Variants in ELMO1 observed in about 807,000 individuals in gnomAD.
ELMO1 encodes the protein engulfment and cell motility 1.
A neutral mutation model predicts 98.9 loss-of-function variants in ELMO1; 26 were observed. The ratio of observed to expected loss-of-function variants is 0.26; its 90% CI spans 0.19 to 0.36. The LOEUF is 0.36. Ranked by LOEUF, ELMO1 falls within the 10% of genes least tolerant of loss-of-function variation. The probability of loss-of-function intolerance (pLI) is 1.00; values close to 1 mark genes in which losing one functional copy is unlikely to be tolerated. For missense variants in ELMO1, 627 were observed against 935.2 expected, an observed-to-expected ratio of 0.67 and a Z score of 4.30; for synonymous variants, 346 against 346.0, an observed-to-expected ratio of 1.00 and a Z score of 0.00.
At chr7:37,118,386 C>T (rs569872000) in intron 14 of ELMO1, among the ~76,000 whole-genome samples, 1 of 152,270 alleles carries the variant, frequency 6.6e-6, no homozygotes, top group East Asian at 1.9e-4. Flanking sequence ...CTTTAAAACT[C>T]ACAACAGGAG....
intron 5 of ELMO1, among the ~76,000 whole-genome samples, chr7:37,264,546 C>T (rs976657903): frequency 6.6e-6 from 1 of 151,972 alleles, no homozygotes; most frequent in African/African-American, 2.4e-5. Context: ...AATAAGATAG[C>T]CTTGGTTCTG....
At chr7:37,364,305 G>A (rs73693513) in intron 1 of ELMO1, among the ~76,000 whole-genome samples, 2,516 of 152,286 alleles carry the variant, frequency 0.017, 64 homozygotes, top group African/African-American at 0.056. Context: ...AGTGTATTCT[G>A]CCAAATATGT....
intron 13 of ELMO1, chr7:37,197,067 A>C (rs986595320): frequency 1.3e-5 from 2 of 152,242 alleles, no homozygotes; most frequent in Non-Finnish European, 2.9e-5. Flanking sequence ...GACAGGAATA[A>C]CAAGAAAGCA....
At position 37,108,461 on chromosome 7, in the gene ELMO1, T is replaced by C. The variant is rs553966492; in HGVS notation, c.1192-11734A>G. On this transcript the variant is annotated intron_variant, in intron 14 of 21. Coordinates refer to ENST00000310758, the MANE Select transcript of ELMO1 (RefSeq NM_014800.11). The stretch of plus-strand genomic sequence containing the variant: ...TTTTCCTAAACAAGCCTTTGAAGTG[T>C]GGGCTTTGGCCCAGGGAGACTTGCT... 2.6e-5 allele frequency among the ~76,000 whole-genome samples: 4 copies of C among 152,356 alleles called. No homozygotes were observed. In the East Asian group the frequency reaches 7.7e-4, roughly 29 times the overall value.
intron 16 of ELMO1, among the ~76,000 whole-genome samples, chr7:36,974,559 T>C (rs1790331463): frequency 6.6e-6 from 1 of 152,056 alleles, no homozygotes; most frequent in Non-Finnish European, 1.5e-5. Context: ...TGGAGGACCT[T>C]TGTATCTAGC....
Position 36,950,632 on chromosome 7 carries a change from G to T in ELMO1, c.1438-55615C>A, listed in dbSNP as rs1278617725. 2.0e-5 allele frequency among the ~76,000 whole-genome samples: 3 copies of T among 152,168 alleles called. No homozygotes were observed. The East Asian group carries it at 5.8e-4, about 29-fold the overall frequency. ...CTGGGGACTGACTCAATATTTTTCTGACAGGAATACTGCTCTTCCAGCAGA... is the reference window on the plus strand; with the variant it reads ...CTGGGGACTGACTCAATATTTTTCTTACAGGAATACTGCTCTTCCAGCAGA... On this transcript the variant is annotated intron_variant, in intron 16 of 21. Coordinates refer to ENST00000310758, the MANE Select transcript of ELMO1 (RefSeq NM_014800.11).
chr7:37,317,596 A>G (rs1160305137), intron 2 of ELMO1, among the ~76,000 whole-genome samples: 1 of 152,230 alleles, frequency 6.6e-6, no homozygotes, highest in African/African-American at 2.4e-5. Flanking sequence ...ACATGTTCTC[A>G]TTTATTTGTG....
In ELMO1 at chr7:37,297,057, T is replaced by C. The variant is rs373279796; in HGVS notation, c.192+17793A>G. On this transcript the variant is annotated intron_variant, in intron 4 of 21. Transcript: ENST00000310758. ...AAAGCAATCTTCCCAGTCAATGACA[T>C]ATTTTATAAGAAGTGTAAATATATG... is the stretch of plus-strand genomic sequence containing the variant. Among the ~76,000 whole-genome samples, 784 of 129,622 alleles carry C rather than the reference T, an allele frequency of 6.0e-3. 6 individuals carry two copies. Among genetic ancestry groups the C allele is most frequent in the African/African-American group, 0.019 (757 of 39,248 alleles). The allele number at this position is 129,622 out of a possible 152,430, so 85.0% of individuals were successfully genotyped here.
At chr7:37,424,682 T>G (rs1012244499) in intron 1 of ELMO1, among the ~76,000 whole-genome samples, 1 of 152,106 alleles carries the variant, frequency 6.6e-6, no homozygotes, top group Non-Finnish European at 1.5e-5. Flanking sequence ...AGAGATGATT[T>G]TCAAACATTA....
rs369346539 is a variant in ELMO1, at chr7:37,223,286, T to G, written c.702-593A>C. ...TGTAAGGCAAGTGGTAAACAGTAAATAAGGAGGACTCAAGGCATAAACAAA... is the reference window on the plus strand; with the variant it reads ...TGTAAGGCAAGTGGTAAACAGTAAAGAAGGAGGACTCAAGGCATAAACAAA... On this transcript the variant is annotated intron_variant, in intron 9 of 21. Transcript: ENST00000310758. 9.9e-5 allele frequency among the ~76,000 whole-genome samples: 15 copies of G among 152,154 alleles called. No homozygotes were observed. The East Asian group carries it at 2.9e-3, about 29-fold the overall frequency.
At chr7:37,209,568 C>T (rs1394427615) in intron 13 of ELMO1, among the ~76,000 whole-genome samples, 1 of 152,168 alleles carries the variant, frequency 6.6e-6, no homozygotes, top group African/African-American at 2.4e-5. Flanking sequence ...ATGTACATGC[C>T]CTGATTCTTC....
chr7:37,165,311 A>G (rs1316640874), intron 13 of ELMO1, among the ~76,000 whole-genome samples: 1 of 151,606 alleles, frequency 6.6e-6, no homozygotes, highest in Non-Finnish European at 1.5e-5. Context: ...CTCTTTTCCT[A>G]ATTGAATAAC....
chr7:37,126,117 A>G (rs1786491686), intron 14 of ELMO1, among the ~76,000 whole-genome samples: 1 of 151,866 alleles, frequency 6.6e-6, no homozygotes, highest in Non-Finnish European at 1.5e-5. Context: ...TGGACACAGG[A>G]AGGGGGACAT....
At chr7:37,278,602 C>G (rs748192663) in intron 4 of ELMO1, among the ~76,000 whole-genome samples, 7 of 152,212 alleles carry the variant, frequency 4.6e-5, no homozygotes, top group Non-Finnish European at 1.0e-4. Flanking sequence ...CAGATTCAGT[C>G]TGTGTCTCAG....
intron 16 of ELMO1, among the ~76,000 whole-genome samples, chr7:36,982,083 GTAAATTTTAT>G (rs558238976): frequency 3.6e-4 from 55 of 152,294 alleles, no homozygotes; most frequent in African/African-American, 1.3e-3. Flanking sequence ...CAGCTGAATT[GTAAATTTTAT>G]TTAATTTTAG....
chr7:37,153,392 C>T (rs1788497473), intron 13 of ELMO1, among the ~76,000 whole-genome samples: 1 of 152,178 alleles, frequency 6.6e-6, no homozygotes, highest in African/African-American at 2.4e-5. Flanking sequence ...CCAAGGGAAG[C>T]TATGAGTGAC....
intron 15 of ELMO1, among the ~76,000 whole-genome samples, chr7:37,096,165 G>A (rs1562997627): frequency 6.6e-6 from 1 of 151,874 alleles, no homozygotes; most frequent in Non-Finnish European, 1.5e-5. Context: ...TTCTTTCTTA[G>A]AGAAAGTATT....
intron 16 of ELMO1, among the ~76,000 whole-genome samples, chr7:36,899,684 C>CTTTT (rs10522661): frequency 0.025 from 1,618 of 63,666 alleles, 181 homozygotes; most frequent in African/African-American, 0.073. Context: ...CTTTACTCAT[C>CTTTT]TTTTTTTTTT....
Position 37,342,498 on chromosome 7 carries a change from T to G in ELMO1, c.78+115A>C. On this transcript the variant is annotated intron_variant, in intron 2 of 21. Transcript: ENST00000310758. The surrounding 1 kb of genome is among the most constrained non-coding windows in gnomAD (Gnocchi z 4.3). ...CACATTGCAACTATTATTGCACAGA[T>G]TTTTCAACACAGCTAGAGAGAGAAA... The G allele has an allele frequency of 9.1e-7, 1 of 1,094,880 alleles. No individual in the cohort carries two copies. 67.8% of individuals were successfully genotyped at this position (1,094,880 alleles called of 1,614,324 possible). A position where few individuals can be genotyped will look rare whatever the true frequency, so the allele number is the denominator to read the frequency against.
Sources: allele counts gnomAD v4.1 joint callset (sites outside exome capture counted in the v4.1 genomes callset), GRCh38; gene constraint gnomAD v4.1.1; non-coding constraint Gnocchi (gnomAD v3.1); transcripts MANE v1.5; gene names NCBI Gene and HGNC (gene_info 2026-07-23, HGNC 2026-07-21).